UNC13C: variants seen among roughly 807,000 people sequenced by gnomAD.
UNC13C encodes the protein protein unc-13 homolog C.
In UNC13C, 174 loss-of-function variants were observed where a neutral mutation model predicts 245.4. The ratio of observed to expected loss-of-function variants is 0.71; its 90% CI spans 0.63 to 0.80. UNC13C has a LOEUF of 0.80. Ranked by LOEUF, UNC13C falls within the 30% of genes least tolerant of loss-of-function variation. The probability of loss-of-function intolerance (pLI) is 0.00; values close to 1 mark genes in which losing one functional copy is unlikely to be tolerated. For synonymous variants in UNC13C, 992 were observed against 895.1 expected, an observed-to-expected ratio of 1.11 and a Z score of -1.93; for missense variants, 2,829 against 2,602.9, an observed-to-expected ratio of 1.09 and a Z score of -1.89.
At chr15:54,243,615 T>G (rs2035918172) in intron 7 of UNC13C, among the ~76,000 whole-genome samples, 2 of 152,230 alleles carry the variant, frequency 1.3e-5, no homozygotes, top group Non-Finnish European at 2.9e-5. Context: ...CATTCCTTTT[T>G]TTCTGCAACC....
At chr15:54,028,861 G>C (rs77411733) in intron 2 of UNC13C, among the ~76,000 whole-genome samples, 9,206 of 151,854 alleles carry the variant, frequency 0.061, 323 homozygotes, top group Non-Finnish European at 0.069. Context: ...GTCTTAGGAG[G>C]TTGGGCAAGT....
At chr15:53,844,396 C>A in the UNC13C span, among the ~76,000 whole-genome samples, 3 of 152,082 alleles carry the variant, frequency 2.0e-5, no homozygotes, top group South Asian at 2.1e-4. Context: ...ATTGACTGAG[C>A]TCAGTTTTGT....
intron 18 of UNC13C, among the ~76,000 whole-genome samples, chr15:54,399,822 A>T (rs1221805088): frequency 6.6e-6 from 1 of 151,924 alleles, no homozygotes; most frequent in African/African-American, 2.4e-5. Context: ...AGCGACTTTG[A>T]TCAGGGATTT....
intron 17 of UNC13C, among the ~76,000 whole-genome samples, chr15:54,346,072 C>T (rs2038853576): frequency 6.6e-6 from 1 of 152,124 alleles, no homozygotes; most frequent in Admixed American, 6.6e-5. Flanking sequence ...ATGTCACCAC[C>T]ACTGCACTTA....
intron 26 of UNC13C, among the ~76,000 whole-genome samples, 180 bp from the exon 27 acceptor site, chr15:54,546,542 C>A (rs2044754787): frequency 6.6e-6 from 1 of 152,090 alleles, no homozygotes; most frequent in African/African-American, 2.4e-5. Context: ...ATGCTGATTT[C>A]ATTTTCCATC....
intron 17 of UNC13C, among the ~76,000 whole-genome samples, chr15:54,364,816 A>G (rs2039325985): frequency 6.6e-6 from 1 of 152,208 alleles, no homozygotes; most frequent in Admixed American, 6.5e-5. Context: ...ATTGATTCTC[A>G]CTGATGAATA....
At chr15:53,846,192 T>C in the UNC13C span, among the ~76,000 whole-genome samples, 1 of 152,174 alleles carries the variant, frequency 6.6e-6, no homozygotes, top group African/African-American at 2.4e-5. Context: ...TTACGATGGA[T>C]TTATTGAGGC....
At chr15:54,243,915 C>T (rs1395046045) in intron 7 of UNC13C, among the ~76,000 whole-genome samples, 2 of 152,100 alleles carry the variant, frequency 1.3e-5, no homozygotes, top group African/African-American at 4.8e-5. Context: ...AATTTTCTTC[C>T]ATTCTGTAGG....
At chr15:54,541,424 T>C (rs1896239238) in intron 26 of UNC13C, among the ~76,000 whole-genome samples, 1 of 152,096 alleles carries the variant, frequency 6.6e-6, no homozygotes, top group South Asian at 2.1e-4. Flanking sequence ...ATATGACCCA[T>C]CTTTGGCTCT....
At chr15:54,443,051 T>C (rs905719083) in intron 19 of UNC13C, among the ~76,000 whole-genome samples, 1 of 152,116 alleles carries the variant, frequency 6.6e-6, no homozygotes, top group Non-Finnish European at 1.5e-5. Context: ...GTTATGGGCT[T>C]TTCTTTCTCC....
chr15:54,505,437 T>A (rs1894428731), intron 22 of UNC13C, among the ~76,000 whole-genome samples: 1 of 152,156 alleles, frequency 6.6e-6, no homozygotes, highest in Non-Finnish European at 1.5e-5. Context: ...ACTCAGTAAT[T>A]TAGGATAGGA....
intron 14 of UNC13C, among the ~76,000 whole-genome samples, chr15:54,325,582 C>A (rs1349778974): frequency 6.6e-6 from 1 of 151,900 alleles, no homozygotes; most frequent in Non-Finnish European, 1.5e-5. Flanking sequence ...CTCGACAGGC[C>A]CCGGTGTGTG....
intron 19 of UNC13C, among the ~76,000 whole-genome samples, chr15:54,458,069 A>G (rs8033437): frequency 0.44 from 67,094 of 151,318 alleles, 15,189 homozygotes; most frequent in East Asian, 0.72. Flanking sequence ...TATCCCACAG[A>G]TTTTTATTGG....
At chr15:54,625,009 A>G (rs1185722832) in intron 32 of UNC13C, among the ~76,000 whole-genome samples, 1 of 152,130 alleles carries the variant, frequency 6.6e-6, no homozygotes, top group Non-Finnish European at 1.5e-5. Flanking sequence ...GAAATGTATT[A>G]TTGAAATACA....
At chr15:54,502,604 T>C (rs2141102266) in intron 22 of UNC13C, among the ~76,000 whole-genome samples, 1 of 152,230 alleles carries the variant, frequency 6.6e-6, no homozygotes. Flanking sequence ...TTTGGGTGAA[T>C]GCCAAGAAAA....
chr15:54,207,691 TAAAC>T (rs1475572182), intron 4 of UNC13C, among the ~76,000 whole-genome samples: 1 of 152,106 alleles, frequency 6.6e-6, no homozygotes, highest in Non-Finnish European at 1.5e-5. Context: ...TCTGACTTCT[TAAAC>T]AATATTCAGA....
At chr15:54,321,049 C>T (rs1164670157) in intron 13 of UNC13C, 1 of 467,530 alleles carries the variant, frequency 2.1e-6, no homozygotes, top group South Asian at 1.6e-5. Flanking sequence ...AGTTGTTATT[C>T]CCCCGAAACC....
At chr15:54,547,843 T>G (rs1469810526) in intron 27 of UNC13C, among the ~76,000 whole-genome samples, 1 of 139,660 alleles carries the variant, frequency 7.2e-6, no homozygotes, top group Non-Finnish European at 1.5e-5. Flanking sequence ...ACATAATATA[T>G]TTCCATAACA....
intron 22 of UNC13C, among the ~76,000 whole-genome samples, chr15:54,506,503 A>G (rs892409548): frequency 5.9e-5 from 9 of 152,044 alleles, no homozygotes; most frequent in Non-Finnish European, 7.4e-5. Context: ...GCTGATGCAT[A>G]TTATCACGTT....
Sources: allele counts gnomAD v4.1 joint callset (sites outside exome capture counted in the v4.1 genomes callset), GRCh38; gene constraint gnomAD v4.1.1; transcripts MANE v1.5; gene names NCBI Gene and HGNC (gene_info 2026-07-23, HGNC 2026-07-21).